Variants in GALNT2 observed in about 807,000 individuals in gnomAD.
The protein encoded by GALNT2 is UDP-GalNAc:polypeptide N-acetylgalactosaminyltransferase 2.
GALNT2 carries 31 observed loss-of-function variants against 81.4 expected under a neutral mutation model. The ratio of observed to expected loss-of-function variants is 0.38; its 90% CI spans 0.29 to 0.51. The LOEUF (loss-of-function observed/expected upper bound fraction) is 0.51, where lower values mean the gene tolerates loss of function less well. Ranked by LOEUF, GALNT2 falls within the 20% of genes least tolerant of loss-of-function variation. GALNT2 has a pLI of 0.87. For synonymous variants in GALNT2, 303 were observed against 287.4 expected (o/e 1.05, Z -0.55); for missense variants, 629 against 765.7 (o/e 0.82, Z 2.11).
At chr1:230,119,663 C>T (rs190360990) in intron 1 of GALNT2, among the ~76,000 whole-genome samples, 2 of 152,188 alleles carry the variant, frequency 1.3e-5, no homozygotes, top group Admixed American at 1.3e-4. Context: ...ATTTGTTTAC[C>T]TGGTGGTACT....
upstream of GALNT2, chr1:230,067,149 C>T (rs1213750467): frequency 1.4e-5 from 5 of 352,806 alleles, no homozygotes; most frequent in Non-Finnish European, 2.1e-5. Context: ...AGCAGTAGCA[C>T]CGCGCGGGAG....
chr1:230,086,528 G>A (rs1016564531), intron 1 of GALNT2, among the ~76,000 whole-genome samples: 1 of 152,210 alleles, frequency 6.6e-6, no homozygotes, highest in African/African-American at 2.4e-5. Context: ...ACAGTTTTTA[G>A]GGGGATGTTC....
At chr1:230,127,763 G>T (rs372116049) in intron 1 of GALNT2, among the ~76,000 whole-genome samples, 2 of 151,846 alleles carry the variant, frequency 1.3e-5, no homozygotes, top group East Asian at 3.9e-4. Flanking sequence ...ATACGCTCCC[G>T]TGCTCAGTTC....
In GALNT2 at chr1:230,275,649, C is replaced by G. The variant is rs987002069; in HGVS notation, c.1560+1085C>G. Reference sequence around the variant, plus strand: ...CATATATATACGCCACATAGATATACAAGCACAACATATATACATGCCACA... The same window carrying G: ...CATATATATACGCCACATAGATATAGAAGCACAACATATATACATGCCACA... On this transcript the variant is annotated intron_variant, in intron 15 of 15. Coordinates refer to ENST00000366672, the MANE Select transcript of GALNT2 (RefSeq NM_004481.5). This position sits in a 1 kb window ranked among gnomAD's most constrained non-coding sequence, Gnocchi z 5.5. Among the ~76,000 whole-genome samples, 7 of 150,634 alleles carry G rather than the reference C, an allele frequency of 4.6e-5. No individual in the cohort carries two copies. Among genetic ancestry groups the G allele is most frequent in the African/African-American group, 1.5e-4 (6 of 40,860 alleles).
At chr1:230,103,615 G>C (rs1660460849) in intron 1 of GALNT2, among the ~76,000 whole-genome samples, 1 of 152,086 alleles carries the variant, frequency 6.6e-6, no homozygotes, top group South Asian at 2.1e-4. Context: ...CTGCTCCCAG[G>C]AAAGAGATTC....
rs191711367 is a variant in GALNT2, at chr1:230,233,619, A to C, written c.375-2395A>C. On this transcript the variant is annotated intron_variant, in intron 3 of 15. Transcript: ENST00000366672. The stretch of plus-strand genomic sequence containing the variant: ...CAAGAGCAAGACTCCGTCTCAAAAG[A>C]AAAAAAAACCTACAGAATAATTTTT... Among the ~76,000 whole-genome samples, 31 of 138,720 alleles carry C rather than the reference A, an allele frequency of 2.2e-4. No individual in the cohort carries two copies. The East Asian group carries it at 5.0e-3, about 23-fold the overall frequency. The allele number at this position is 138,720 out of a possible 152,430, so 91.0% of individuals were successfully genotyped here. A position where few individuals can be genotyped will look rare whatever the true frequency, so the allele number is the denominator to read the frequency against.
At chr1:230,063,528 T>C (rs924828218), upstream of GALNT2, among the ~76,000 whole-genome samples, 1 of 152,198 alleles carries the variant, frequency 6.6e-6, no homozygotes, top group African/African-American at 2.4e-5. Flanking sequence ...CTAGCTATTC[T>C]TCTGATTCCC....
At chr1:230,101,517 A>G (rs1660403566) in intron 1 of GALNT2, among the ~76,000 whole-genome samples, 1 of 152,222 alleles carries the variant, frequency 6.6e-6, no homozygotes, top group Non-Finnish European at 1.5e-5. Flanking sequence ...TGCTGAGTAC[A>G]TTCTCAGTTT....
chr1:230,134,116 T>A (rs957477265), intron 1 of GALNT2, among the ~76,000 whole-genome samples: 1 of 146,030 alleles, frequency 6.8e-6, no homozygotes, highest in African/African-American at 2.5e-5. Context: ...GAATCTGTTT[T>A]TTTTTTTTTT....
chr1:230,260,977 T>C (rs80083689), intron 11 of GALNT2, among the ~76,000 whole-genome samples: 2,855 of 152,246 alleles, frequency 0.019, 82 homozygotes, highest in African/African-American at 0.066. Flanking sequence ...TTCCCACAAG[T>C]CCAGGACATC....
chr1:230,261,751 C>G (rs912078155), intron 11 of GALNT2: 1 of 152,266 alleles, frequency 6.6e-6, no homozygotes, highest in Non-Finnish European at 1.5e-5. Flanking sequence ...TGGCTCACGC[C>G]TGTAATCCCA....
intron 1 of GALNT2, among the ~76,000 whole-genome samples, chr1:230,106,719 A>C (rs1254064110): frequency 1.3e-5 from 2 of 152,194 alleles, no homozygotes; most frequent in Non-Finnish European, 2.9e-5. Flanking sequence ...GCTCTGTGCT[A>C]AGGCTGCAGT....
rs146377413 is a variant in GALNT2, at chr1:230,105,406, CG to C, written c.126+38001del. The stretch of plus-strand genomic sequence containing the variant: ...TTGATTCTACAATGCACATTTCCCC[CG>C]CCTCTCATGTTTTAACATGTCTGAA... On this transcript the variant is annotated intron_variant, in intron 1 of 15. Transcript: ENST00000366672. Among the ~76,000 whole-genome samples the C allele has an allele frequency of 0.023, 3,509 of 152,256 alleles. 322 individuals are homozygous for C. The East Asian group carries it at 0.32, about 14-fold the overall frequency.
At chr1:230,076,804 T>C (rs1055048920) in intron 1 of GALNT2, among the ~76,000 whole-genome samples, 3 of 152,182 alleles carry the variant, frequency 2.0e-5, no homozygotes, top group African/African-American at 4.8e-5. Flanking sequence ...AGTGTACTTC[T>C]GGATAAAACA....
rs1415286256 is a variant in GALNT2 at position 230,279,967 on chromosome 1, T to C, written c.*509T>C. ...CGTCAATAGTCCCTCTCTCTGCTCC[T>C]CCATTCGCAAGTGTCTTCCTGGGCC... On this transcript the variant is annotated 3_prime_UTR_variant, in exon 16 of 16. Transcript: ENST00000366672. The surrounding 1 kb of genome is among the most constrained non-coding windows in gnomAD (Gnocchi z 4.6). 2.2e-6 allele frequency: 1 copy of C among 456,218 alleles called. No homozygotes were observed. The highest frequency in any genetic ancestry group is 1.5e-5 in the South Asian group (1 of 64,560). The allele number at this position is 456,218 out of a possible 1,614,324, so 28.3% of individuals were successfully genotyped here.
intron 1 of GALNT2, among the ~76,000 whole-genome samples, chr1:230,128,626 C>CGGGGGT (rs1203107172): frequency 0.052 from 1,943 of 37,422 alleles, 39 homozygotes; most frequent in African/African-American, 0.15. Context: ...GTGGCGGGGG[C>CGGGGGT]GGGGGTGGTT....
chr1:230,237,018 A>G (rs1482728726), intron 6 of GALNT2, among the ~76,000 whole-genome samples: 1 of 152,200 alleles, frequency 6.6e-6, no homozygotes, highest in Non-Finnish European at 1.5e-5. Flanking sequence ...CCTTGAATAC[A>G]AAAGTTTAGA....
intron 1 of GALNT2, among the ~76,000 whole-genome samples, chr1:230,155,195 C>A (rs549755831): frequency 6.6e-6 from 1 of 152,174 alleles, no homozygotes; most frequent in Non-Finnish European, 1.5e-5. Context: ...CTTTCTCTCA[C>A]ATCTGTGGAG....
At chr1:230,127,601 CTT>C (rs1403461880) in intron 1 of GALNT2, among the ~76,000 whole-genome samples, 1 of 151,928 alleles carries the variant, frequency 6.6e-6, no homozygotes, top group Non-Finnish European at 1.5e-5. Context: ...GTTTCGATCT[CTT>C]GACCTCGTGA....
Sources: allele counts gnomAD v4.1 joint callset (sites outside exome capture counted in the v4.1 genomes callset), GRCh38; gene constraint gnomAD v4.1.1; non-coding constraint Gnocchi (gnomAD v3.1); transcripts MANE v1.5; gene names NCBI Gene and HGNC (gene_info 2026-07-23, HGNC 2026-07-21).